Variants in BIRC3 observed in about 807,000 individuals in gnomAD.
BIRC3 encodes the protein baculoviral IAP repeat-containing protein 3.
BIRC3 carries 26 observed loss-of-function variants against 59.0 expected under a neutral mutation model. The observed-to-expected ratio is 0.44, with a 90% confidence interval of 0.32 to 0.61. BIRC3 has a LOEUF of 0.61. Among genes scored for constraint, BIRC3 ranks in the 20% least tolerant of loss-of-function variants. The probability of loss-of-function intolerance (pLI) is 0.04; values close to 1 mark genes in which losing one functional copy is unlikely to be tolerated. For synonymous variants in BIRC3, 243 were observed against 249.2 expected (o/e 0.98, Z 0.24); for missense variants, 641 against 711.5 (o/e 0.90, Z 1.13).
At position 102,328,922 on chromosome 11, in the gene BIRC3, G is replaced by T; in HGVS notation, c.1058G>T (p.Gly353Val). 1 of 1,442,210 alleles carries T rather than the reference G, an allele frequency of 6.9e-7. No homozygotes were observed. Among genetic ancestry groups the T allele is most frequent in the Non-Finnish European group, 9.1e-7 (1 of 1,096,728 alleles). 89.3% of individuals were successfully genotyped at this position (1,442,210 alleles called of 1,614,324 possible). ...CTGCTATCCACATCAGACAGCCCAG[G>T]AGATGAAAATGCAGAGTCATCAAGT... ...EQLLSTSDSP[G>V]DENAESSIIH... Residue 353 changes from glycine (G) to valine (V), a missense_variant, in exon 5 of 9, where the codon GGA becomes GTA. Gly to Val is a moderately radical substitution (Grantham distance 109). Around this residue, in one of 4 missense-constraint regions of BIRC3, gnomAD observed 268 missense variants for 255.7 expected, o/e 1.05. Transcript: ENST00000263464.
rs527902629 is a variant in BIRC3, at chr11:102,321,502, G to T, written c.-2673-335G>T. Among the ~76,000 whole-genome samples, 120 of 152,116 alleles carry T rather than the reference G, an allele frequency of 7.9e-4. 1 individual carries two copies. The highest frequency in any genetic ancestry group is 2.1e-3 in the African/African-American group (88 of 41,500). On this transcript the variant is annotated intron_variant, in intron 1 of 8. Transcript: ENST00000263464. ...CCGGAGTAGCTGGGATTACAGGCGC[G>T]TACCACCACACCCAGCTAATTTTTG... is the stretch of plus-strand genomic sequence containing the variant.
chr11:102,320,158 C>G (rs58277500), intron 1 of BIRC3: 47,906 of 151,356 alleles, frequency 0.32, 7,695 homozygotes, highest in Admixed American at 0.35. Context: ...CGTGAGCCAC[C>G]ACGCCTGACC....
chr11:102,321,743 C>T (rs1166843035), intron 1 of BIRC3, 94 bp from the exon 2 acceptor site: 1 of 168,656 alleles, frequency 5.9e-6, no homozygotes, highest in Non-Finnish European at 1.3e-5. Context: ...TACTAGTACT[C>T]TATTTTGGAG....
chr11:102,329,853 G>A (rs1255510152), intron 5 of BIRC3, among the ~76,000 whole-genome samples: 1 of 152,018 alleles, frequency 6.6e-6, no homozygotes, highest in Non-Finnish European at 1.5e-5. Flanking sequence ...GAGTTAACGG[G>A]TGCAGCACAC....
intron 5 of BIRC3, among the ~76,000 whole-genome samples, chr11:102,329,488 T>A (rs1041164894): frequency 1.3e-5 from 2 of 152,174 alleles, no homozygotes; most frequent in East Asian, 3.8e-4. Flanking sequence ...TATTGTATAT[T>A]GTATATCGCC....
At position 102,339,032 on chromosome 11, in the gene BIRC3, G is replaced by A. The variant is rs1179777893; in HGVS notation, c.*1930G>A. The A allele has an allele frequency of 2.1e-5, 3 of 142,662 alleles. No individual in the cohort carries two copies. Among genetic ancestry groups the A allele is most frequent in the African/African-American group, 1.0e-4 (2 of 19,308 alleles). The allele number at this position is 142,662 out of a possible 1,614,324, so 8.8% of individuals were successfully genotyped here. On this transcript the variant is annotated 3_prime_UTR_variant, in exon 9 of 9. Transcript: ENST00000263464. The stretch of plus-strand genomic sequence containing the variant: ...ATCCATCTCTGCATTCTGATGCTGG[G>A]AGACTTATTTCCTTGAAATGCAATT...
intron 7 of BIRC3, 164 bp from the exon 8 acceptor site, chr11:102,336,596 A>G (rs1433060892): frequency 2.8e-6 from 2 of 709,158 alleles, no homozygotes; most frequent in Non-Finnish European, 4.5e-6. Context: ...TCAAAAAAAA[A>G]TCAATCTAAT....
chr11:102,333,249 A>AT (rs200417588), intron 6 of BIRC3, among the ~76,000 whole-genome samples: 61 of 150,582 alleles, frequency 4.1e-4, no homozygotes, highest in African/African-American at 7.8e-4. Flanking sequence ...GTAATTTAAG[A>AT]TTTTTTTTTT....
At chr11:102,318,118 T>G (rs1950991549) in intron 1 of BIRC3, among the ~76,000 whole-genome samples, 1 of 152,186 alleles carries the variant, frequency 6.6e-6, no homozygotes, top group South Asian at 2.1e-4. Flanking sequence ...AATATTGACT[T>G]TATTTGCTAT....
At position 102,337,347 on chromosome 11, in the gene BIRC3, A is replaced by G. The variant is rs1951207481; in HGVS notation, c.*245A>G. ...GGTAGCACTACAAACACAATATTCA[A>G]TCAAAATTTCAGCATTATTGAAATT... On this transcript the variant is annotated 3_prime_UTR_variant, in exon 9 of 9. Transcript: ENST00000263464. The G allele has an allele frequency of 2.5e-6, 1 of 402,930 alleles. No homozygotes were observed. The highest frequency in any genetic ancestry group is 4.4e-6 in the Non-Finnish European group (1 of 229,356). The allele number at this position is 402,930 out of a possible 1,614,324, so 25.0% of individuals were successfully genotyped here. A position where few individuals can be genotyped will look rare whatever the true frequency, so the allele number is the denominator to read the frequency against.
chr11:102,319,858 G>T (rs1025885880), intron 1 of BIRC3: 1 of 152,166 alleles, frequency 6.6e-6, no homozygotes, highest in East Asian at 1.9e-4. Context: ...TGGCATATTT[G>T]TGTATATTTA....
Position 102,332,404 on chromosome 11 carries a change from T to A in BIRC3, c.1324+1163T>A, listed in dbSNP as rs1003870116. ...GTTGATTTACAGCTGCAACTAGCTG[T>A]GACCTCTCTTAGTGCCCCCGGGCTC... On this transcript the variant is annotated intron_variant, in intron 6 of 8. Transcript: ENST00000263464. Among the ~76,000 whole-genome samples the A allele has an allele frequency of 4.6e-5, 7 of 152,330 alleles. No individual in the cohort carries two copies. The East Asian group carries it at 1.3e-3, about 29-fold the overall frequency.
Position 102,338,889 on chromosome 11 carries a change from G to T in BIRC3, c.*1787G>T. ...GGGAGAATGAGGCTGAGACAGGAGG[G>T]CAGGATAACATCAGAGAAAAACTTT... is the stretch of plus-strand genomic sequence containing the variant. On this transcript the variant is annotated 3_prime_UTR_variant, in exon 9 of 9. Transcript: ENST00000263464. 1 of 222,046 alleles carries T rather than the reference G, an allele frequency of 4.5e-6. No individual in the cohort carries two copies. Among genetic ancestry groups the T allele is most frequent in the Non-Finnish European group, 9.0e-6 (1 of 110,990 alleles). The allele number at this position is 222,046 out of a possible 1,614,324, so 13.8% of individuals were successfully genotyped here. A position where few individuals can be genotyped will look rare whatever the true frequency, so the allele number is the denominator to read the frequency against.
Position 102,339,169 on chromosome 11 carries a change from T to TATTTA in BIRC3, c.*2069_*2070insTTAAT, listed in dbSNP as rs1318870076. 1.5e-5 allele frequency: 3 copies of TATTTA among 203,236 alleles called. No individual in the cohort carries two copies. Among genetic ancestry groups the TATTTA allele is most frequent in the Non-Finnish European group, 3.0e-5 (3 of 99,486 alleles). 12.6% of individuals were successfully genotyped at this position (203,236 alleles called of 1,614,324 possible). ...GTGCTTAGGTGATTTGTAACTCAGG[T>TATTTA]ATAGGGTATTTAAATAGTAGGCACC... On this transcript the variant is annotated 3_prime_UTR_variant, in exon 9 of 9. Coordinates refer to ENST00000263464, the MANE Select transcript of BIRC3 (RefSeq NM_001165.5).
At position 102,324,455 on chromosome 11, in the gene BIRC3, C is replaced by CA. The variant is rs1303143333; in HGVS notation, c.-51dup. 1 of 1,525,106 alleles carries CA rather than the reference C, an allele frequency of 6.6e-7. No individual in the cohort carries two copies. The highest frequency in any genetic ancestry group is 2.3e-5 in the East Asian group (1 of 44,154). The allele number at this position is 1,525,106 out of a possible 1,614,324, so 94.5% of individuals were successfully genotyped here. A position where few individuals can be genotyped will look rare whatever the true frequency, so the allele number is the denominator to read the frequency against. ...AAACTGATAAAAGCAAAGCCATGCA[C>CA]AAAACTACCTCCCTAGAGAAAGGCT... On this transcript the variant is annotated 5_prime_UTR_variant, in exon 2 of 9. It removes the in-frame stop codon of an upstream open reading frame in the 5' UTR. Transcript: ENST00000263464.
rs146254676 is a variant in BIRC3 at position 102,324,995 on chromosome 11, C to T, written c.486C>T (p.Tyr162=). The T allele has an allele frequency of 2.0e-4, 324 of 1,614,056 alleles. No individual in the cohort carries two copies. The highest frequency in any genetic ancestry group is 2.6e-4 in the Non-Finnish European group (311 of 1,180,032). The part of the protein sequence containing the change: ...QDFSALMRSS[Y]HCAMNNENAR... ...TTTCTGCCTTGATGAGAAGTTCCTA[C>T]CACTGTGCAATGAATAACGAAAATG... is the stretch of plus-strand genomic sequence containing the variant. Residue 162 remains tyrosine (Y), a synonymous_variant, in exon 2 of 9, where the codon TAC becomes TAT. Coordinates refer to ENST00000263464, the MANE Select transcript of BIRC3 (RefSeq NM_001165.5).
At chr11:102,317,762 C>A (rs368001730) in intron 1 of BIRC3, among the ~76,000 whole-genome samples, 191 bp downstream of exon 1, 1 of 152,200 alleles carries the variant, frequency 6.6e-6, no homozygotes, top group Admixed American at 6.5e-5. Flanking sequence ...CACCAGGGCC[C>A]AAAAGCAGGC....
chr11:102,331,687 C>G (rs2135789454), intron 6 of BIRC3, among the ~76,000 whole-genome samples: 1 of 152,250 alleles, frequency 6.6e-6, no homozygotes, highest in Admixed American at 6.5e-5. Context: ...CTCTGTCACC[C>G]ATGCTGGAGT....
chr11:102,335,274 T>C (rs529934285), intron 6 of BIRC3, among the ~76,000 whole-genome samples: 1 of 152,196 alleles, frequency 6.6e-6, no homozygotes, highest in Non-Finnish European at 1.5e-5. Flanking sequence ...AAAGAAATTT[T>C]ATGGAAGAAT....
Sources: allele counts gnomAD v4.1 joint callset (sites outside exome capture counted in the v4.1 genomes callset), GRCh38; gene constraint gnomAD v4.1.1; regional missense constraint gnomAD v4.1.1; transcripts MANE v1.5; gene names NCBI Gene and HGNC (gene_info 2026-07-23, HGNC 2026-07-21).